The following MAN1C1 variants were observed in gnomAD, a reference collection of about 807,000 sequenced individuals.
MAN1C1 encodes mannosyl-oligosaccharide 1,2-alpha-mannosidase IC.
Under a neutral mutation model 71.5 loss-of-function variants are expected in MAN1C1, and 49 were observed. The ratio of observed to expected loss-of-function variants is 0.69; its 90% CI spans 0.54 to 0.87. The LOEUF (loss-of-function observed/expected upper bound fraction) is 0.87, where lower values mean the gene tolerates loss of function less well. Among genes scored for constraint, MAN1C1 ranks in the 40% least tolerant of loss-of-function variants. MAN1C1 has a pLI of 0.00. For synonymous variants in MAN1C1, 352 were observed against 343.7 expected (o/e 1.02, Z -0.27); for missense variants, 743 against 835.0 (o/e 0.89, Z 1.36).
chr1:25,637,680 T>C (rs1169314605), intron 1 of MAN1C1, among the ~76,000 whole-genome samples: 1 of 152,154 alleles, frequency 6.6e-6, no homozygotes, highest in Non-Finnish European at 1.5e-5. Context: ...ATTTGTTCCA[T>C]GATTCCCTTT....
At chr1:25,653,868 C>T (rs963610235) in intron 1 of MAN1C1, among the ~76,000 whole-genome samples, 3 of 152,162 alleles carry the variant, frequency 2.0e-5, no homozygotes, top group Non-Finnish European at 2.9e-5. Context: ...TAGTTTTGCT[C>T]CCCCAGGGGA....
Position 25,782,792 on chromosome 1 carries a change from T to A in MAN1C1, c.1766+92T>A. 1.0e-6 allele frequency: 1 copy of A among 980,438 alleles called. No homozygotes were observed. Among genetic ancestry groups the A allele is most frequent in the South Asian group, 1.4e-5 (1 of 70,868 alleles). 60.7% of individuals were successfully genotyped at this position (980,438 alleles called of 1,614,324 possible). A position where few individuals can be genotyped will look rare whatever the true frequency, so the allele number is the denominator to read the frequency against. On this transcript the variant is annotated intron_variant, in intron 11 of 11. Transcript: ENST00000374332. This position sits in a 1 kb window ranked among gnomAD's most constrained non-coding sequence, Gnocchi z 4.4. The stretch of plus-strand genomic sequence containing the variant: ...TCCCCTCCACAGTCAGGTTCTGTGG[T>A]CACAGGACGGGAGCCCAAAAGGGGT...
intron 1 of MAN1C1, among the ~76,000 whole-genome samples, chr1:25,684,334 CAG>C (rs1343322755): frequency 1.3e-5 from 2 of 152,160 alleles, no homozygotes; most frequent in Non-Finnish European, 2.9e-5. Flanking sequence ...TAGAAAATAA[CAG>C]AGGAATGGAA....
At chr1:25,698,723 A>G (rs980077773) in intron 2 of MAN1C1, among the ~76,000 whole-genome samples, 9 of 152,166 alleles carry the variant, frequency 5.9e-5, no homozygotes, top group Admixed American at 5.9e-4. Context: ...AGGTGGAGAC[A>G]GGCAGATCAC....
rs141764585 is a variant in MAN1C1 at position 25,689,371 on chromosome 1, G to A, written c.637+2835G>A. Among the ~76,000 whole-genome samples, 658 of 152,270 alleles carry A rather than the reference G, an allele frequency of 4.3e-3. 4 individuals carry two copies. Among genetic ancestry groups the A allele is most frequent in the African/African-American group, 0.015 (625 of 41,548 alleles). The stretch of plus-strand genomic sequence containing the variant: ...GTCCTGGTTGTGTGACCTTGGACAA[G>A]TCATTTCTCTCCAAGGCTGAGTTTT... On this transcript the variant is annotated intron_variant, in intron 2 of 11. Coordinates refer to ENST00000374332, the MANE Select transcript of MAN1C1 (RefSeq NM_020379.4).
chr1:25,634,303 T>G lies in MAN1C1; in HGVS notation c.540+15966T>G, dbSNP rs1366113339. Among the ~76,000 whole-genome samples, 3 of 152,246 alleles carry G rather than the reference T, an allele frequency of 2.0e-5. No homozygotes were observed. Among genetic ancestry groups the G allele is most frequent in the African/African-American group, 7.2e-5 (3 of 41,464 alleles). ...GAGAACTGACATCTTTGCCTTGTTCTTGATCTCGAGGGAAAAGCAGCCAGT... is the reference window on the plus strand; with the variant it reads ...GAGAACTGACATCTTTGCCTTGTTCGTGATCTCGAGGGAAAAGCAGCCAGT... On this transcript the variant is annotated intron_variant, in intron 1 of 11. Coordinates refer to ENST00000374332, the MANE Select transcript of MAN1C1 (RefSeq NM_020379.4). This position sits in a 1 kb window ranked among gnomAD's most constrained non-coding sequence, Gnocchi z 4.6.
chr1:25,692,928 A>G (rs2046326867), intron 2 of MAN1C1, among the ~76,000 whole-genome samples: 1 of 152,140 alleles, frequency 6.6e-6, no homozygotes, highest in Admixed American at 6.5e-5. Flanking sequence ...CCACCATAGG[A>G]ACATCTTTTA....
In MAN1C1 at chr1:25,771,723, C is replaced by T. The variant is rs372874175; in HGVS notation, c.1208C>T (p.Ser403Leu). The change falls in exon 8 of 12, where the codon TCG becomes TTG. Residue 403 changes from serine (S) to leucine (L), a missense_variant. Ser to Leu is a moderately radical substitution (Grantham distance 145, BLOSUM62 -2). Transcript: ENST00000374332. ...TATTTGATCAAATCCTGGTTGATGT[C>T]GGGCAAGACAGATATGGAGGCTAAA... is the stretch of plus-strand genomic sequence containing the variant. ...YEYLIKSWLM[S>L]GKTDMEAKNM... The T allele has an allele frequency of 4.3e-6, 7 of 1,614,156 alleles. No homozygotes were observed. The highest frequency in any genetic ancestry group is 4.5e-5 in the East Asian group (2 of 44,894).
intron 2 of MAN1C1, among the ~76,000 whole-genome samples, chr1:25,741,490 C>T (rs148122751): frequency 1.2e-3 from 188 of 152,254 alleles, no homozygotes; most frequent in Non-Finnish European, 1.8e-3. Flanking sequence ...AGCCAGGATC[C>T]GTGACACCCG....
At chr1:25,678,669 A>G (rs2046102828) in intron 1 of MAN1C1, among the ~76,000 whole-genome samples, 1 of 152,240 alleles carries the variant, frequency 6.6e-6, no homozygotes, top group Non-Finnish European at 1.5e-5. Context: ...CAATAGCCCC[A>G]AACTAGAAAT....
At chr1:25,736,260 C>A (rs2046981347) in intron 2 of MAN1C1, among the ~76,000 whole-genome samples, 1 of 152,182 alleles carries the variant, frequency 6.6e-6, no homozygotes, top group African/African-American at 2.4e-5. Flanking sequence ...GCTTGCCTGG[C>A]ACAAAGGTAG....
At chr1:25,705,480 C>T (rs1480259901) in intron 2 of MAN1C1, among the ~76,000 whole-genome samples, 1 of 152,138 alleles carries the variant, frequency 6.6e-6, no homozygotes, top group Non-Finnish European at 1.5e-5. Context: ...ATTTACTGGA[C>T]ATTTAGGTTA....
chr1:25,630,627 A>G (rs2045364757), intron 1 of MAN1C1, among the ~76,000 whole-genome samples: 1 of 152,152 alleles, frequency 6.6e-6, no homozygotes, highest in South Asian at 2.1e-4. Context: ...CTCCTTAGTT[A>G]AGTATATTCC....
At chr1:25,627,124 GA>G (rs1005975171) in intron 1 of MAN1C1, among the ~76,000 whole-genome samples, 21 of 152,050 alleles carry the variant, frequency 1.4e-4, no homozygotes, top group African/African-American at 4.8e-4. Flanking sequence ...ACTATTTGTT[GA>G]AAAAAACTTT....
At chr1:25,642,199 A>G (rs3767908) in intron 1 of MAN1C1, among the ~76,000 whole-genome samples, 26,447 of 152,132 alleles carry the variant, frequency 0.17, 5,812 homozygotes, top group African/African-American at 0.5. Flanking sequence ...TGCCTCTGCT[A>G]TTCTCATTAG....
chr1:25,622,109 C>T (rs1010242305), intron 1 of MAN1C1, among the ~76,000 whole-genome samples: 1 of 152,190 alleles, frequency 6.6e-6, no homozygotes, highest in African/African-American at 2.4e-5. Flanking sequence ...AGGTGCAGCA[C>T]CAGCATCACT....
rs1486078241 is a variant in MAN1C1, at chr1:25,775,536, G to A, written c.1258-2569G>A. Among the ~76,000 whole-genome samples the A allele has an allele frequency of 6.6e-6, 1 of 152,200 alleles. No individual in the cohort carries two copies. The highest frequency in any genetic ancestry group is 1.5e-5 in the Non-Finnish European group (1 of 68,022). On this transcript the variant is annotated intron_variant, in intron 8 of 11. Transcript: ENST00000374332. This position sits in a 1 kb window ranked among gnomAD's most constrained non-coding sequence, Gnocchi z 5.1. ...CTGCTGGTGGCTTCTGCTGTCACAC[G>A]GCACTCAGAGTCTGAGAGAGAGACA...
intron 2 of MAN1C1, among the ~76,000 whole-genome samples, chr1:25,740,831 C>T (rs578055662): frequency 2.6e-4 from 40 of 152,000 alleles, no homozygotes; most frequent in South Asian, 1.7e-3. Flanking sequence ...GCCAAGGGGG[C>T]GGGGAGGAAG....
At chr1:25,720,257 G>C (rs890351769) in intron 2 of MAN1C1, among the ~76,000 whole-genome samples, 1 of 150,752 alleles carries the variant, frequency 6.6e-6, no homozygotes, top group African/African-American at 2.4e-5. Flanking sequence ...TGTTGCCCAG[G>C]CTGGAGTGCA....
Sources: gnomAD v4.1 joint callset for allele counts (sites outside exome capture counted in the v4.1 genomes callset) on GRCh38, gnomAD v4.1.1 for gene constraint, Gnocchi (gnomAD v3.1) non-coding constraint, MANE v1.5 for transcripts, NCBI Gene and HGNC (gene_info 2026-07-23, HGNC 2026-07-21) for gene names.